The following XXYLT1 variants were observed in gnomAD, a reference collection of about 807,000 sequenced individuals.
XXYLT1 encodes xyloside xylosyltransferase 1.
In XXYLT1, 20 loss-of-function variants were observed where a neutral mutation model predicts 28.9. The observed-to-expected ratio is 0.69, with a 90% CI of 0.49 to 1.00. The LOEUF is 1.00. Ranked by LOEUF, XXYLT1 falls within the 50% of genes least tolerant of loss-of-function variation. XXYLT1 has a pLI of 0.00. For missense variants in XXYLT1, 542 were observed against 560.1 expected (o/e 0.97, Z 0.33); for synonymous variants, 257 against 253.8 (o/e 1.01, Z -0.12).
chr3:195,076,291 A>G lies in XXYLT1; in HGVS notation c.786-6180T>C, dbSNP rs1037283477. Among the ~76,000 whole-genome samples, 1 of 113,494 alleles carries G rather than the reference A, an allele frequency of 8.8e-6. No individual in the cohort carries two copies. The highest frequency in any genetic ancestry group is 4.9e-5 in the African/African-American group (1 of 20,486). The allele number at this position is 113,494 out of a possible 152,430, so 74.5% of individuals were successfully genotyped here. Reference sequence around the variant, plus strand: ...TCAGGACAGTGTTACCACCCACCCCACACCCACCCGTTCCAGAGAGGAAGA... The same window carrying G: ...TCAGGACAGTGTTACCACCCACCCCGCACCCACCCGTTCCAGAGAGGAAGA... On this transcript the variant is annotated intron_variant, in intron 3 of 3. Transcript: ENST00000310380. This position sits in a 1 kb window ranked among gnomAD's most constrained non-coding sequence, Gnocchi z 5.3.
chr3:195,260,927 G>C (rs1361800369), intron 1 of XXYLT1, among the ~76,000 whole-genome samples: 1 of 152,206 alleles, frequency 6.6e-6, no homozygotes, highest in Non-Finnish European at 1.5e-5. Context: ...GGGTGTCATC[G>C]GCAGGCGGAT....
chr3:195,135,336 C>T (rs1464391696), intron 3 of XXYLT1, among the ~76,000 whole-genome samples: 4 of 152,172 alleles, frequency 2.6e-5, no homozygotes, highest in Admixed American at 6.5e-5. Flanking sequence ...CAGGAGGAAA[C>T]CAAGGTGGAT....
At chr3:195,162,290 C>T (rs747706333) in intron 2 of XXYLT1, among the ~76,000 whole-genome samples, 2 of 152,186 alleles carry the variant, frequency 1.3e-5, no homozygotes, top group Admixed American at 6.5e-5. Flanking sequence ...CAGCGCTCAG[C>T]TTTGCAGGCT....
chr3:195,228,592 G>A (rs1359448079), intron 1 of XXYLT1, among the ~76,000 whole-genome samples: 13 of 149,262 alleles, frequency 8.7e-5, no homozygotes, highest in Admixed American at 6.0e-4. Flanking sequence ...GGGTTCAAGC[G>A]ATTCTCCTGC....
intron 2 of XXYLT1, among the ~76,000 whole-genome samples, chr3:195,218,519 C>G (rs1271001838): frequency 6.7e-6 from 1 of 150,296 alleles, no homozygotes; most frequent in South Asian, 2.1e-4. Context: ...TGAACAGACA[C>G]TTCTCAAAAG....
At chr3:195,108,492 C>G (rs772999867) in intron 3 of XXYLT1, among the ~76,000 whole-genome samples, 6 of 152,014 alleles carry the variant, frequency 3.9e-5, no homozygotes, top group African/African-American at 7.2e-5. Context: ...GAAAAAACAA[C>G]ACACATATAC....
At chr3:195,177,009 G>T (rs1280883646) in intron 2 of XXYLT1, among the ~76,000 whole-genome samples, 1 of 152,206 alleles carries the variant, frequency 6.6e-6, no homozygotes, top group Non-Finnish European at 1.5e-5. Context: ...TCCTCGCTGG[G>T]CTCTCACATC....
At chr3:195,260,852 C>G (rs1725675851) in intron 1 of XXYLT1, among the ~76,000 whole-genome samples, 1 of 152,214 alleles carries the variant, frequency 6.6e-6, no homozygotes, top group South Asian at 2.1e-4. Flanking sequence ...CTCCCTGAAG[C>G]AGATGAGAGG....
chr3:195,088,000 C>CG (rs1220185154), intron 3 of XXYLT1, among the ~76,000 whole-genome samples: 1 of 151,998 alleles, frequency 6.6e-6, no homozygotes, highest in African/African-American at 2.4e-5. Context: ...CGGCGCACCA[C>CG]GAGATTACAT....
At chr3:195,202,255 A>G (rs1482701173) in intron 2 of XXYLT1, among the ~76,000 whole-genome samples, 1 of 152,202 alleles carries the variant, frequency 6.6e-6, no homozygotes, top group Non-Finnish European at 1.5e-5. Context: ...ACTTTGCTCC[A>G]GTGTTGTCAG....
rs531185776 is a variant in XXYLT1 at position 195,167,220 on chromosome 3, C to G, written c.653-10639G>C. Among the ~76,000 whole-genome samples, 10 of 152,360 alleles carry G rather than the reference C, an allele frequency of 6.6e-5. No individual in the cohort carries two copies. The East Asian group carries it at 1.9e-3, about 29-fold the overall frequency. Reference sequence around the variant, plus strand: ...TTTTGTGGGGCAATACTTTAAGACTCTGACAATATCCCATCTCCTAACAAA... The same window carrying G: ...TTTTGTGGGGCAATACTTTAAGACTGTGACAATATCCCATCTCCTAACAAA... On this transcript the variant is annotated intron_variant, in intron 2 of 3. Coordinates refer to ENST00000310380, the MANE Select transcript of XXYLT1 (RefSeq NM_152531.5).
At chr3:195,143,826 A>C (rs1253067606) in intron 3 of XXYLT1, among the ~76,000 whole-genome samples, 2 of 83,622 alleles carry the variant, frequency 2.4e-5, no homozygotes, top group Non-Finnish European at 4.8e-5. Context: ...ATATAGATAT[A>C]TATAGATATA....
intron 1 of XXYLT1, among the ~76,000 whole-genome samples, chr3:195,241,020 TAAGTA>T (rs1724752434): frequency 6.6e-6 from 1 of 152,174 alleles, no homozygotes; most frequent in Non-Finnish European, 1.5e-5. Flanking sequence ...GAAAAGTCAC[TAAGTA>T]AAGACATCTG....
At chr3:195,094,024 G>GCTCCTCCTC (rs930238013) in intron 3 of XXYLT1, 1 of 155,198 alleles carries the variant, frequency 6.4e-6, no homozygotes, top group African/African-American at 2.4e-5. Flanking sequence ...GACAGTGGCA[G>GCTCCTCCTC]CTCCTCCTCC....
chr3:195,085,924 C>A (rs889606883), intron 3 of XXYLT1: 1 of 152,230 alleles, frequency 6.6e-6, no homozygotes, highest in Non-Finnish European at 1.5e-5. Flanking sequence ...TGCTGTCAGG[C>A]CTTGCGGAGG....
At chr3:195,259,680 G>C in intron 1 of XXYLT1, 33 of 984,528 alleles carry the variant, frequency 3.4e-5, no homozygotes, top group Non-Finnish European at 3.9e-5. Flanking sequence ...CCGGGCTCCA[G>C]GCCAGCGCCA....
chr3:195,173,280 T>C lies in XXYLT1; in HGVS notation c.653-16699A>G, dbSNP rs981462910. Among the ~76,000 whole-genome samples the C allele has an allele frequency of 1.3e-5, 2 of 152,182 alleles. No homozygotes were observed. The highest frequency in any genetic ancestry group is 2.9e-5 in the Non-Finnish European group (2 of 68,022). Reference sequence around the variant, plus strand: ...AGGCTGGGGCCAAAGACAGAGAGTGTAGCTGCTACTCCTCAAGGAAAGAAA... The same window carrying C: ...AGGCTGGGGCCAAAGACAGAGAGTGCAGCTGCTACTCCTCAAGGAAAGAAA... On this transcript the variant is annotated intron_variant, in intron 2 of 3. Coordinates refer to ENST00000310380, the MANE Select transcript of XXYLT1 (RefSeq NM_152531.5). The surrounding 1 kb of genome is among the most constrained non-coding windows in gnomAD (Gnocchi z 4.3).
At chr3:195,259,835 G>A (rs986455005) in intron 1 of XXYLT1, among the ~76,000 whole-genome samples, 3 of 152,238 alleles carry the variant, frequency 2.0e-5, no homozygotes, top group Non-Finnish European at 4.4e-5. Context: ...ACTGGCTGCG[G>A]AGGCCCGCCG....
intron 3 of XXYLT1, among the ~76,000 whole-genome samples, chr3:195,108,699 C>T (rs571255197): frequency 6.6e-6 from 1 of 152,304 alleles, no homozygotes; most frequent in East Asian, 1.9e-4. Flanking sequence ...ACTGTAGATG[C>T]CTGTAACACA....
Sources: allele counts gnomAD v4.1 joint callset (sites outside exome capture counted in the v4.1 genomes callset), GRCh38; gene constraint gnomAD v4.1.1; non-coding constraint Gnocchi (gnomAD v3.1); transcripts MANE v1.5; gene names NCBI Gene and HGNC (gene_info 2026-07-23, HGNC 2026-07-21).